Variants in SLC24A2 observed in about 807,000 individuals in gnomAD.
SLC24A2 encodes solute carrier family 24 member 2.
In SLC24A2, 36 loss-of-function variants were observed where a neutral mutation model predicts 62.0. The observed-to-expected ratio is 0.58, with a 90% CI of 0.44 to 0.77. The LOEUF is 0.77. SLC24A2 is among the 30% of genes least tolerant of loss of function. The probability of loss-of-function intolerance (pLI) is 0.00; values close to 1 mark genes in which losing one functional copy is unlikely to be tolerated. For synonymous variants in SLC24A2, 358 were observed against 294.0 expected (o/e 1.22, Z -2.23); for missense variants, 846 against 817.9 (o/e 1.03, Z -0.42).
At chr9:19,609,567 C>A (rs1837087021) in intron 4 of SLC24A2, among the ~76,000 whole-genome samples, 1 of 152,098 alleles carries the variant, frequency 6.6e-6, no homozygotes, top group Non-Finnish European at 1.5e-5. Flanking sequence ...TTATTTAGAT[C>A]TTTTATGTTC....
the SLC24A2 span, among the ~76,000 whole-genome samples, chr9:20,208,496 A>G: frequency 6.6e-6 from 1 of 152,232 alleles, no homozygotes; most frequent in South Asian, 2.1e-4. Context: ...AACTACTGCT[A>G]AGAGAAAAGT....
the SLC24A2 span, among the ~76,000 whole-genome samples, chr9:20,167,412 G>A: frequency 3.3e-5 from 5 of 151,938 alleles, no homozygotes; most frequent in African/African-American, 4.8e-5. Context: ...ATATGGAATC[G>A]GGGAAGGCAA....
intron 2 of SLC24A2, among the ~76,000 whole-genome samples, chr9:19,662,906 C>T (rs1352390299): frequency 1.3e-5 from 2 of 152,148 alleles, no homozygotes; most frequent in African/African-American, 4.8e-5. Flanking sequence ...TGTGTATATT[C>T]CATGTCTAAC....
chr9:19,813,003 C>T, the SLC24A2 span, among the ~76,000 whole-genome samples: 1 of 152,226 alleles, frequency 6.6e-6, no homozygotes, highest in African/African-American at 2.4e-5. Context: ...CAGAGGCTTT[C>T]TACTTAGCTC....
the SLC24A2 span, among the ~76,000 whole-genome samples, chr9:20,072,903 C>A: frequency 2.6e-5 from 4 of 152,110 alleles, no homozygotes; most frequent in Non-Finnish European, 4.4e-5. Flanking sequence ...ACCTCCAGAA[C>A]TGTAAGAGAA....
chr9:20,075,858 G>T, the SLC24A2 span, among the ~76,000 whole-genome samples: 1 of 152,126 alleles, frequency 6.6e-6, no homozygotes, highest in African/African-American at 2.4e-5. Flanking sequence ...ATGAGGAATT[G>T]GTTCCAGGAC....
intron 2 of SLC24A2, among the ~76,000 whole-genome samples, chr9:19,770,397 A>AT (rs145007919): frequency 9.2e-5 from 14 of 151,770 alleles, no homozygotes; most frequent in South Asian, 2.1e-4. Flanking sequence ...TACTATATGC[A>AT]TTTTTTTTCA....
At chr9:19,562,087 C>T (rs902221284) in intron 7 of SLC24A2, among the ~76,000 whole-genome samples, 1 of 152,236 alleles carries the variant, frequency 6.6e-6, no homozygotes, top group East Asian at 1.9e-4. Context: ...GCATTTTGCT[C>T]CAACGATTCT....
intron 2 of SLC24A2, among the ~76,000 whole-genome samples, chr9:19,724,877 A>G (rs921872532): frequency 7.2e-5 from 11 of 152,164 alleles, no homozygotes; most frequent in African/African-American, 2.2e-4. Context: ...CATTAAAGGG[A>G]GACTAATAAG....
chr9:19,667,361 T>C (rs540209680), intron 2 of SLC24A2, among the ~76,000 whole-genome samples: 6 of 152,308 alleles, frequency 3.9e-5, no homozygotes, highest in African/African-American at 1.2e-4. Context: ...CCTATCTTGG[T>C]TAATGATTCC....
chr9:20,046,911 C>G, the SLC24A2 span, among the ~76,000 whole-genome samples: 2 of 152,290 alleles, frequency 1.3e-5, no homozygotes, highest in East Asian at 1.9e-4. Context: ...TAATAAGACC[C>G]AGGATTCTTT....
At position 19,743,519 on chromosome 9, in the gene SLC24A2, C is replaced by T. The variant is rs181374397; in HGVS notation, c.930+42418G>A. Reference sequence around the variant, plus strand: ...TTAGGGGACAGAATGGGTGTGCTGTCGGGGCTGGGCAGAGGAGTGTAGCCC... The same window carrying T: ...TTAGGGGACAGAATGGGTGTGCTGTTGGGGCTGGGCAGAGGAGTGTAGCCC... On this transcript the variant is annotated intron_variant, in intron 2 of 10. Transcript: ENST00000341998. 3.3e-5 allele frequency among the ~76,000 whole-genome samples: 5 copies of T among 152,172 alleles called. No individual in the cohort carries two copies. The East Asian group carries it at 5.8e-4, about 18-fold the overall frequency.
At chr9:19,986,080 A>C in the SLC24A2 span, among the ~76,000 whole-genome samples, 3 of 152,160 alleles carry the variant, frequency 2.0e-5, no homozygotes, top group Non-Finnish European at 2.9e-5. Flanking sequence ...ATTCAACAGT[A>C]ACAACAAGAA....
intron 7 of SLC24A2, among the ~76,000 whole-genome samples, chr9:19,559,501 G>A (rs944997519): frequency 6.6e-6 from 1 of 152,146 alleles, no homozygotes. Flanking sequence ...TAAGCAGGGG[G>A]CAAGACTCAT....
intron 2 of SLC24A2, among the ~76,000 whole-genome samples, chr9:19,658,077 C>A (rs1240343005): frequency 1.3e-5 from 2 of 152,204 alleles, no homozygotes; most frequent in Admixed American, 6.5e-5. Context: ...AGGCACTGGA[C>A]TGCTCCTACC....
At chr9:19,524,511 T>C (rs1725147785) in intron 9 of SLC24A2, among the ~76,000 whole-genome samples, 1 of 150,804 alleles carries the variant, frequency 6.6e-6, no homozygotes, top group African/African-American at 2.4e-5. Flanking sequence ...AATTATCAAA[T>C]AGCATTTATG....
rs567897629 is a variant in SLC24A2, at chr9:19,517,837, C to T, written c.1737-1435G>A. Among the ~76,000 whole-genome samples the T allele has an allele frequency of 2.0e-5, 3 of 151,518 alleles. No homozygotes were observed. The East Asian group carries it at 5.9e-4, about 30-fold the overall frequency. ...GTGATGGCAAACTGAGAGCCATTGA[C>T]AGGGACTTGGCCTGGGAAACTCTTT... On this transcript the variant is annotated intron_variant, in intron 10 of 10. Coordinates refer to ENST00000341998, the MANE Select transcript of SLC24A2 (RefSeq NM_020344.4).
chr9:19,546,844 G>T (rs376312795), intron 8 of SLC24A2, among the ~76,000 whole-genome samples: 45 of 152,196 alleles, frequency 3.0e-4, no homozygotes, highest in African/African-American at 1.0e-3. Context: ...TCTGGTCTGT[G>T]GGTTGCAAAG....
chr9:20,283,791 G>C, the SLC24A2 span, among the ~76,000 whole-genome samples: 2 of 151,336 alleles, frequency 1.3e-5, no homozygotes, highest in South Asian at 2.1e-4. Flanking sequence ...CAACTTTATA[G>C]GCTCGCCTCT....
Sources: allele counts gnomAD v4.1 joint callset (sites outside exome capture counted in the v4.1 genomes callset), GRCh38; gene constraint gnomAD v4.1.1; transcripts MANE v1.5; gene names NCBI Gene and HGNC (gene_info 2026-07-23, HGNC 2026-07-21).